TMEM232: variants seen among roughly 807,000 people sequenced by gnomAD.
TMEM232 encodes the protein transmembrane protein 232.
TMEM232 carries 80 observed loss-of-function variants against 78.8 expected under a neutral mutation model. That is an observed-to-expected ratio of 1.01 (90% CI 0.85 to 1.22). The LOEUF is 1.22. TMEM232 is among the 50% of genes most tolerant of loss of function. The probability of loss-of-function intolerance (pLI) is 0.00; values close to 1 mark genes in which losing one functional copy is unlikely to be tolerated. For synonymous variants in TMEM232, 297 were observed against 254.3 expected (o/e 1.17, Z -1.60); for missense variants, 881 against 742.2 (o/e 1.19, Z -2.17).
intron 12 of TMEM232, among the ~76,000 whole-genome samples, chr5:110,488,473 A>G (rs1198274695): frequency 6.6e-6 from 1 of 152,138 alleles, no homozygotes. Flanking sequence ...ACTTTACTAA[A>G]TAAGCAATTG....
At chr5:110,625,912 A>G (rs1178963933) in intron 6 of TMEM232, among the ~76,000 whole-genome samples, 1 of 144,790 alleles carries the variant, frequency 6.9e-6, no homozygotes. Context: ...CAACAATAAG[A>G]TAATTTAACA....
At chr5:110,729,263 T>C (rs942969307), upstream of TMEM232, among the ~76,000 whole-genome samples, 1 of 152,220 alleles carries the variant, frequency 6.6e-6, no homozygotes, top group African/African-American at 2.4e-5. Flanking sequence ...AAACATATCA[T>C]GAGCTCTCGT....
chr5:110,733,715 A>G (rs948958166), intron 2 of TMEM232, among the ~76,000 whole-genome samples: 5 of 152,046 alleles, frequency 3.3e-5, no homozygotes, highest in African/African-American at 4.8e-5. Flanking sequence ...AGAGGATCAG[A>G]AAAAAAACCT....
At chr5:110,423,681 A>G (rs969335088) in intron 13 of TMEM232, among the ~76,000 whole-genome samples, 1 of 151,936 alleles carries the variant, frequency 6.6e-6, no homozygotes, top group African/African-American at 2.4e-5. Flanking sequence ...GGAAAAGATG[A>G]TGGATGGTTG....
At chr5:110,609,610 G>A (rs775109053) in intron 8 of TMEM232, among the ~76,000 whole-genome samples, 9 of 151,992 alleles carry the variant, frequency 5.9e-5, no homozygotes, top group Non-Finnish European at 8.8e-5. Context: ...GGAGAAGGTG[G>A]GAAGAGGGAT....
intron 10 of TMEM232, among the ~76,000 whole-genome samples, chr5:110,593,491 A>G (rs2149781426): frequency 6.6e-6 from 1 of 152,308 alleles, no homozygotes; most frequent in East Asian, 1.9e-4. Context: ...GACACTTGTA[A>G]AAAATTATGA....
At chr5:110,572,788 C>T (rs1777107267) in intron 10 of TMEM232, among the ~76,000 whole-genome samples, 1 of 151,956 alleles carries the variant, frequency 6.6e-6, no homozygotes, top group Admixed American at 6.6e-5. Context: ...ATCATTACAC[C>T]CAACTGACTG....
chr5:110,669,132 G>A (rs1318520728), intron 1 of TMEM232, among the ~76,000 whole-genome samples: 1 of 152,104 alleles, frequency 6.6e-6, no homozygotes, highest in Non-Finnish European at 1.5e-5. Context: ...TAAGAGCAGA[G>A]CAGAACTGAA....
rs1183336352 is a variant in TMEM232, at chr5:110,528,762, ACTT to A, written c.1526_1528del (p.Glu509del). On this transcript the variant is annotated inframe_deletion, in exon 12 of 14. Transcript: ENST00000455884. The stretch of plus-strand genomic sequence containing the variant: ...TCTCCACCCAATATATTTGGAGAAA[ACTT>A]CTTCTCCTACATTTGATGAAATATT... 1.4e-5 allele frequency: 21 copies of A among 1,533,670 alleles called. No individual in the cohort carries two copies. Among genetic ancestry groups the A allele is most frequent in the African/African-American group, 9.6e-5 (7 of 72,902 alleles).
At chr5:110,649,798 T>G (rs1249736799) in intron 2 of TMEM232, among the ~76,000 whole-genome samples, 3 of 152,064 alleles carry the variant, frequency 2.0e-5, no homozygotes, top group Admixed American at 6.6e-5. Context: ...CTTATTAAGC[T>G]TTTTTGTCTT....
chr5:110,692,413 G>A (rs1451673059), intron 1 of TMEM232, among the ~76,000 whole-genome samples: 1 of 152,202 alleles, frequency 6.6e-6, no homozygotes, highest in Non-Finnish European at 1.5e-5. Context: ...TCCAACTGAG[G>A]TACCGGGTTC....
intron 3 of TMEM232, among the ~76,000 whole-genome samples, chr5:110,395,134 T>C (rs540547193): frequency 3.3e-5 from 5 of 152,300 alleles, no homozygotes; most frequent in African/African-American, 1.2e-4. Context: ...ATTGTTGCTG[T>C]TCCCCTCCCA....
intron 11 of TMEM232, among the ~76,000 whole-genome samples, chr5:110,543,596 G>A (rs1044503561): frequency 1.3e-5 from 2 of 152,070 alleles, no homozygotes; most frequent in African/African-American, 4.8e-5. Flanking sequence ...TTTCATCTAT[G>A]TTATTGGGAT....
At chr5:110,502,455 C>A (rs1580962955) in intron 12 of TMEM232, among the ~76,000 whole-genome samples, 1 of 152,150 alleles carries the variant, frequency 6.6e-6, no homozygotes, top group African/African-American at 2.4e-5. Context: ...AGTTTTAAAT[C>A]TTGAAGGGGA....
chr5:110,427,315 TA>T (rs1217050599), intron 12 of TMEM232, among the ~76,000 whole-genome samples: 2 of 151,976 alleles, frequency 1.3e-5, no homozygotes, highest in Non-Finnish European at 2.9e-5. Context: ...AGGAATTAGA[TA>T]TAAATCAAAC....
At position 110,697,464 on chromosome 5, in the gene TMEM232, G is replaced by A. The variant is rs1381621008; in HGVS notation, c.-13+29163C>T. Among the ~76,000 whole-genome samples, 34 of 152,044 alleles carry A rather than the reference G, an allele frequency of 2.2e-4. 1 individual carries two copies. The highest frequency in any genetic ancestry group is 3.5e-4 in the Non-Finnish European group (24 of 67,930). ...TTGACAAATGGGATCTAATTAAACT[G>A]AAGAGCTTCTGCACAGCAGAAGAAA... On this transcript the variant is annotated intron_variant, in intron 1 of 13. Transcript: ENST00000455884.
intron 12 of TMEM232, among the ~76,000 whole-genome samples, chr5:110,491,904 TTACTA>T (rs1765138391): frequency 6.6e-6 from 1 of 151,538 alleles, no homozygotes; most frequent in African/African-American, 2.4e-5. Flanking sequence ...TAAATAGAGA[TTACTA>T]TAACCATTAT....
intron 2 of TMEM232, among the ~76,000 whole-genome samples, chr5:110,406,109 T>C (rs1755779820): frequency 6.6e-6 from 1 of 151,972 alleles, no homozygotes; most frequent in Admixed American, 6.6e-5. Context: ...AGTAGACAGC[T>C]GAATGGCTGA....
At chr5:110,558,614 C>A in intron 11 of TMEM232, among the ~76,000 whole-genome samples, 1 of 152,026 alleles carries the variant, frequency 6.6e-6, no homozygotes, top group South Asian at 2.1e-4. Flanking sequence ...TAGCCTCATC[C>A]CACAGGTAAG....
Sources: gnomAD v4.1 joint callset for allele counts (sites outside exome capture counted in the v4.1 genomes callset) on GRCh38, gnomAD v4.1.1 for gene constraint, MANE v1.5 for transcripts, NCBI Gene and HGNC (gene_info 2026-07-23, HGNC 2026-07-21) for gene names.